PCDH15: variants seen among roughly 807,000 people sequenced by gnomAD.
PCDH15 encodes protocadherin related 15.
In PCDH15, 129 loss-of-function variants were observed where a neutral mutation model predicts 178.5. The ratio of observed to expected loss-of-function variants is 0.72; its 90% CI spans 0.63 to 0.84. The LOEUF (loss-of-function observed/expected upper bound fraction) is 0.84. Among genes scored for constraint, PCDH15 ranks in the 40% least tolerant of loss-of-function variants. The pLI is 0.00. For missense variants in PCDH15, 2,230 were observed against 2,099.9 expected, an observed-to-expected ratio of 1.06 and a Z score of -1.21; for synonymous variants, 800 against 732.0, an observed-to-expected ratio of 1.09 and a Z score of -1.50.
intron 6 of PCDH15, among the ~76,000 whole-genome samples, chr10:54,344,806 C>A (rs1372651095): frequency 6.7e-6 from 1 of 148,582 alleles, no homozygotes; most frequent in Non-Finnish European, 1.5e-5. Flanking sequence ...CTTATGTAAC[C>A]CTTCATACTG....
chr10:55,139,029 A>C (rs76063544), intron 2 of PCDH15, among the ~76,000 whole-genome samples: 3,789 of 152,136 alleles, frequency 0.025, 153 homozygotes, highest in African/African-American at 0.086. Context: ...GTAAGTATGA[A>C]GGATATTTCC....
intron 26 of PCDH15, among the ~76,000 whole-genome samples, chr10:53,874,737 G>A (rs1268909326): frequency 1.1e-5 from 1 of 87,482 alleles, no homozygotes; most frequent in African/African-American, 3.3e-5. Context: ...AAAGTCCGTT[G>A]AGATAAAAAA....
intron 3 of PCDH15, chr10:54,486,259 G>T (rs1167757033): frequency 6.6e-6 from 1 of 151,940 alleles, no homozygotes; most frequent in East Asian, 1.9e-4. Flanking sequence ...GCCCAGAGAG[G>T]TAATCAGAAG....
At position 54,237,263 on chromosome 10, in the gene PCDH15, A is replaced by G. The variant is rs144981452; in HGVS notation, c.877-332T>C. 3.9e-3 allele frequency among the ~76,000 whole-genome samples: 597 copies of G among 152,272 alleles called. 3 individuals are homozygous for G. The highest frequency in any genetic ancestry group is 0.014 in the African/African-American group (563 of 41,580). On this transcript the variant is annotated intron_variant, in intron 8 of 37. Transcript: ENST00000644397. ...GAAATAGCAGCCTATCAAATAGTTT[A>G]TGAAGTAATGTTTTCTCTTTGCTTT...
At chr10:54,702,349 C>T (rs1227000322) in intron 1 of PCDH15, among the ~76,000 whole-genome samples, 1 of 151,372 alleles carries the variant, frequency 6.6e-6, no homozygotes, top group Non-Finnish European at 1.5e-5. Flanking sequence ...CAGAAGACAA[C>T]AAAAAACCAG....
chr10:54,097,622 A>C (rs2094724222), intron 15 of PCDH15, among the ~76,000 whole-genome samples: 1 of 152,154 alleles, frequency 6.6e-6, no homozygotes, highest in Non-Finnish European at 1.5e-5. Context: ...AAAAGCAGAA[A>C]TTTTGTCTTT....
intron 2 of PCDH15, among the ~76,000 whole-genome samples, chr10:55,605,250 A>G (rs1179145625): frequency 6.6e-6 from 1 of 152,148 alleles, no homozygotes; most frequent in African/African-American, 2.4e-5. Flanking sequence ...TGTGGCAATA[A>G]TCAATAGCTT....
chr10:54,350,402 C>T (rs1943983551), intron 5 of PCDH15, among the ~76,000 whole-genome samples: 1 of 152,072 alleles, frequency 6.6e-6, no homozygotes, highest in Non-Finnish European at 1.5e-5. Flanking sequence ...CTAGATTGTG[C>T]AAGCATGTAC....
intron 8 of PCDH15, among the ~76,000 whole-genome samples, chr10:54,250,299 G>C (rs1281009724): frequency 8.5e-6 from 1 of 118,082 alleles, no homozygotes; most frequent in African/African-American, 3.4e-5. Context: ...TTTGGAGACA[G>C]AGTCTCGCTC....
intron 15 of PCDH15, among the ~76,000 whole-genome samples, chr10:54,118,782 T>TA (rs1564462812): frequency 6.6e-6 from 1 of 151,752 alleles, no homozygotes; most frequent in African/African-American, 2.4e-5. Flanking sequence ...ATTTTTATTT[T>TA]TTTTTGTCAA....
chr10:54,104,799 T>C (rs2094879234), intron 15 of PCDH15, among the ~76,000 whole-genome samples: 2 of 134,768 alleles, frequency 1.5e-5, no homozygotes, highest in African/African-American at 5.8e-5. Flanking sequence ...ATCGCGCCAC[T>C]GCACTCCAGC....
At chr10:55,453,831 T>A (rs1171631551) in intron 2 of PCDH15, among the ~76,000 whole-genome samples, 1 of 152,148 alleles carries the variant, frequency 6.6e-6, no homozygotes, top group Non-Finnish European at 1.5e-5. Context: ...ATTCTTTATA[T>A]CTTGAAATAA....
chr10:55,593,024 A>G (rs1376059383), intron 2 of PCDH15, among the ~76,000 whole-genome samples: 5 of 152,040 alleles, frequency 3.3e-5, no homozygotes, highest in African/African-American at 9.6e-5. Context: ...ATTTAACTAC[A>G]GAAATATTCA....
At chr10:53,860,933 A>G (rs993056918) in intron 27 of PCDH15, among the ~76,000 whole-genome samples, 1 of 152,124 alleles carries the variant, frequency 6.6e-6, no homozygotes, top group East Asian at 1.9e-4. Context: ...ATAAATTAAC[A>G]GAAGTCGCAC....
chr10:54,268,110 C>T (rs895392417), intron 8 of PCDH15, among the ~76,000 whole-genome samples: 2 of 151,560 alleles, frequency 1.3e-5, no homozygotes, highest in African/African-American at 4.8e-5. Context: ...AATAGAGAAT[C>T]CAGAAATGAG....
intron 2 of PCDH15, among the ~76,000 whole-genome samples, chr10:55,488,050 G>C (rs1438550340): frequency 6.6e-6 from 1 of 151,594 alleles, no homozygotes; most frequent in Middle Eastern, 3.4e-3. Context: ...TTTATTTTAT[G>C]GTGGCTAATA....
At chr10:55,083,758 T>C (rs570979376) in intron 2 of PCDH15, among the ~76,000 whole-genome samples, 221 of 152,020 alleles carry the variant, frequency 1.5e-3, no homozygotes, top group Non-Finnish European at 2.0e-3. Flanking sequence ...ATCTGTAGCA[T>C]TTCTACATGA....
intron 2 of PCDH15, chr10:55,166,544 A>G (rs532281593): frequency 3.0e-4 from 45 of 152,278 alleles, no homozygotes; most frequent in Admixed American, 1.4e-3. Context: ...GGAGAAGGAA[A>G]AAATTATAAA....
At chr10:53,872,065 T>C (rs2079907808) in intron 26 of PCDH15, among the ~76,000 whole-genome samples, 1 of 152,296 alleles carries the variant, frequency 6.6e-6, no homozygotes, top group African/African-American at 2.4e-5. Context: ...TTGAAATCCA[T>C]GAACTTTTGT....
Sources: gnomAD v4.1 joint callset for allele counts (sites outside exome capture counted in the v4.1 genomes callset) on GRCh38, gnomAD v4.1.1 for gene constraint, MANE v1.5 for transcripts, NCBI Gene and HGNC (gene_info 2026-07-23, HGNC 2026-07-21) for gene names.